The following ADAMTS6 variants were observed in gnomAD, a reference collection of about 807,000 sequenced individuals.
ADAMTS6 encodes the protein ADAM metallopeptidase with thrombospondin type 1 motif 6.
Under a neutral mutation model 144.3 loss-of-function variants are expected in ADAMTS6, and 23 were observed. That is an observed-to-expected ratio of 0.16 (90% CI 0.11 to 0.23). The LOEUF (loss-of-function observed/expected upper bound fraction) is 0.23. Ranked by LOEUF, ADAMTS6 falls within the 10% of genes least tolerant of loss-of-function variation. The pLI is 1.00. For missense variants in ADAMTS6, 999 were observed against 1,379.6 expected (o/e 0.72, Z 4.37); for synonymous variants, 444 against 457.5 (o/e 0.97, Z 0.38).
intron 14 of ADAMTS6, among the ~76,000 whole-genome samples, chr5:65,245,285 T>C (rs1007766508): frequency 2.0e-5 from 3 of 152,118 alleles, no homozygotes; most frequent in Admixed American, 6.6e-5. Context: ...GTTCAGGTAA[T>C]GGGAGGCACT....
In ADAMTS6 at chr5:65,150,831, T is replaced by G. The variant is rs1160499785; in HGVS notation, c.*1005A>C. 6.6e-6 allele frequency: 1 copy of G among 152,606 alleles called. No homozygotes were observed. The highest frequency in any genetic ancestry group is 1.9e-4 in the East Asian group (1 of 5,200). 9.5% of individuals were successfully genotyped at this position (152,606 alleles called of 1,614,324 possible). A position where few individuals can be genotyped will look rare whatever the true frequency, so the allele number is the denominator to read the frequency against. On this transcript the variant is annotated 3_prime_UTR_variant, in exon 25 of 25. Coordinates refer to ENST00000381055, the MANE Select transcript of ADAMTS6 (RefSeq NM_197941.4). Reference sequence around the variant, plus strand: ...GCCTGGTTACCGAGCCAGTCTATCTTTTGCATGGTATCATCTCAGTAAGCT... The same window carrying G: ...GCCTGGTTACCGAGCCAGTCTATCTGTTGCATGGTATCATCTCAGTAAGCT...
chr5:65,268,039 T>C lies in ADAMTS6; in HGVS notation c.1621-5077A>G, dbSNP rs1761758523. Among the ~76,000 whole-genome samples the C allele has an allele frequency of 2.0e-5, 3 of 152,310 alleles. No homozygotes were observed. In the South Asian group the frequency reaches 6.2e-4, roughly 32 times the overall value. On this transcript the variant is annotated intron_variant, in intron 12 of 24. Coordinates refer to ENST00000381055, the MANE Select transcript of ADAMTS6 (RefSeq NM_197941.4). ...CTTTCTTCACTTCCTGTGTTTATAG[T>C]TTGGGAACCAGTCAAAACATACTGT... is the stretch of plus-strand genomic sequence containing the variant.
chr5:65,233,491 G>A (rs567639901), intron 15 of ADAMTS6, among the ~76,000 whole-genome samples: 38 of 151,756 alleles, frequency 2.5e-4, no homozygotes, highest in South Asian at 1.0e-3. Context: ...CAGTAAATAC[G>A]GATACAAAAA....
At chr5:65,185,230 A>T (rs761401225) in intron 22 of ADAMTS6, among the ~76,000 whole-genome samples, 41 of 152,152 alleles carry the variant, frequency 2.7e-4, no homozygotes, top group South Asian at 1.0e-3. Context: ...ATTCTTACTT[A>T]TTGTTAACCC....
At chr5:65,184,658 C>T (rs971776526) in intron 22 of ADAMTS6, among the ~76,000 whole-genome samples, 1 of 152,166 alleles carries the variant, frequency 6.6e-6, no homozygotes, top group African/African-American at 2.4e-5. Context: ...GAGCTACTTG[C>T]CCAGTGAGGG....
At chr5:65,259,082 C>A (rs1399580985) in intron 14 of ADAMTS6, among the ~76,000 whole-genome samples, 1 of 152,034 alleles carries the variant, frequency 6.6e-6, no homozygotes, top group Admixed American at 6.6e-5. Context: ...GCTGGCCGGG[C>A]ATGATGGCTC....
intron 21 of ADAMTS6, among the ~76,000 whole-genome samples, chr5:65,194,465 TG>T (rs747901281): frequency 6.6e-6 from 1 of 152,236 alleles, no homozygotes; most frequent in Non-Finnish European, 1.5e-5. Flanking sequence ...TACGGTGCAC[TG>T]GGCTATGCTA....
intron 20 of ADAMTS6, among the ~76,000 whole-genome samples, chr5:65,200,075 T>TAGTCAA (rs1755636452): frequency 6.6e-6 from 1 of 152,196 alleles, no homozygotes; most frequent in South Asian, 2.1e-4. Flanking sequence ...CAGTGTGGTA[T>TAGTCAA]TTCACACTCA....
intron 17 of ADAMTS6, among the ~76,000 whole-genome samples, chr5:65,224,713 G>A (rs1277385010): frequency 6.6e-6 from 1 of 152,086 alleles, no homozygotes. Context: ...AAGAAACATG[G>A]CTAAATGAAG....
At chr5:65,299,607 C>G (rs1017060010) in intron 10 of ADAMTS6, among the ~76,000 whole-genome samples, 1 of 151,810 alleles carries the variant, frequency 6.6e-6, no homozygotes, top group Non-Finnish European at 1.5e-5. Flanking sequence ...CTATTAGATA[C>G]TTTGGCTTTC....
intron 7 of ADAMTS6, among the ~76,000 whole-genome samples, chr5:65,388,984 G>T (rs1752691512): frequency 6.6e-6 from 1 of 152,140 alleles, no homozygotes; most frequent in African/African-American, 2.4e-5. Flanking sequence ...GAGGTGGGCG[G>T]ATCACGAGGT....
chr5:65,235,944 T>C (rs1580143514), intron 15 of ADAMTS6, among the ~76,000 whole-genome samples: 1 of 152,250 alleles, frequency 6.6e-6, no homozygotes, highest in Non-Finnish European at 1.5e-5. Flanking sequence ...CATGAAATTA[T>C]GTAGATGGCA....
At chr5:65,321,290 C>G (rs1241394574) in intron 9 of ADAMTS6, among the ~76,000 whole-genome samples, 1 of 152,064 alleles carries the variant, frequency 6.6e-6, no homozygotes, top group African/African-American at 2.4e-5. Context: ...TTGGATTTCT[C>G]TAATTATCAG....
At chr5:65,373,955 T>G (rs1751244290) in intron 7 of ADAMTS6, among the ~76,000 whole-genome samples, 1 of 152,170 alleles carries the variant, frequency 6.6e-6, no homozygotes, top group South Asian at 2.1e-4. Context: ...TGGTTCAATA[T>G]ACGCAAATCA....
intron 7 of ADAMTS6, among the ~76,000 whole-genome samples, chr5:65,409,855 ATAAACG>A (rs370222280): frequency 6.6e-6 from 1 of 152,362 alleles, no homozygotes; most frequent in African/African-American, 2.4e-5. Flanking sequence ...ATGCAAATCA[ATAAACG>A]TAATCCATCA....
At chr5:65,242,693 G>A (rs1446520637) in intron 14 of ADAMTS6, among the ~76,000 whole-genome samples, 1 of 152,036 alleles carries the variant, frequency 6.6e-6, no homozygotes, top group African/African-American at 2.4e-5. Flanking sequence ...GTTTAGCCTT[G>A]ACAAAAACCA....
chr5:65,310,403 A>G (rs890469965), intron 9 of ADAMTS6, among the ~76,000 whole-genome samples: 8 of 152,132 alleles, frequency 5.3e-5, no homozygotes, highest in African/African-American at 1.9e-4. Flanking sequence ...GCACATGCCT[A>G]TGGTCCCAGC....
At chr5:65,320,502 C>T (rs1234458658) in intron 9 of ADAMTS6, among the ~76,000 whole-genome samples, 1 of 151,474 alleles carries the variant, frequency 6.6e-6, no homozygotes, top group African/African-American at 2.4e-5. Flanking sequence ...GAAAAAATAA[C>T]ATTAAATATA....
intron 7 of ADAMTS6, among the ~76,000 whole-genome samples, chr5:65,413,679 T>C (rs1269943106): frequency 6.6e-6 from 1 of 152,010 alleles, no homozygotes; most frequent in Non-Finnish European, 1.5e-5. Context: ...AAAATATATA[T>C]CCTGTTCTTA....
Sources: gnomAD v4.1 joint callset for allele counts (sites outside exome capture counted in the v4.1 genomes callset) on GRCh38, gnomAD v4.1.1 for gene constraint, MANE v1.5 for transcripts, NCBI Gene and HGNC (gene_info 2026-07-23, HGNC 2026-07-21) for gene names.